The following WWC1 variants were observed in gnomAD, a reference collection of about 807,000 sequenced individuals.
WWC1 encodes WW and C2 domain containing 1, also known as protein KIBRA.
WWC1 carries 55 observed loss-of-function variants against 138.4 expected under a neutral mutation model. That is an observed-to-expected ratio of 0.40 (90% CI 0.32 to 0.50). The LOEUF is 0.50. Among genes scored for constraint, WWC1 ranks in the 20% least tolerant of loss-of-function variants. The probability of loss-of-function intolerance (pLI) is 0.72; values close to 1 mark genes in which losing one functional copy is unlikely to be tolerated. For missense variants in WWC1, 1,226 were observed against 1,420.4 expected (o/e 0.86, Z 2.20); for synonymous variants, 524 against 564.9 (o/e 0.93, Z 1.03).
At chr5:168,443,936 C>T (rs1755012916) in intron 16 of WWC1, among the ~76,000 whole-genome samples, 1 of 152,240 alleles carries the variant, frequency 6.6e-6, no homozygotes, top group Non-Finnish European at 1.5e-5. Flanking sequence ...ACAACCCTTT[C>T]TAGCAGTTAT....
At chr5:168,442,731 G>A (rs918773512) in intron 16 of WWC1, among the ~76,000 whole-genome samples, 4 of 151,530 alleles carry the variant, frequency 2.6e-5, no homozygotes, top group Non-Finnish European at 5.9e-5. Context: ...TAGCTACTAG[G>A]GAGGCTGAGG....
chr5:168,343,705 G>T (rs938819725), intron 1 of WWC1, among the ~76,000 whole-genome samples: 37 of 151,892 alleles, frequency 2.4e-4, no homozygotes, highest in African/African-American at 8.0e-4. Context: ...GCCTGTAATC[G>T]CAGCTACTTG....
chr5:168,353,910 A>G (rs969830766), intron 1 of WWC1, among the ~76,000 whole-genome samples: 6 of 152,188 alleles, frequency 3.9e-5, no homozygotes, highest in African/African-American at 1.2e-4. Context: ...CTCCATATAC[A>G]TGATCATGGA....
chr5:168,417,695 G>A (rs1582224401), intron 9 of WWC1, among the ~76,000 whole-genome samples: 2 of 152,358 alleles, frequency 1.3e-5, no homozygotes, highest in South Asian at 4.1e-4. Context: ...GTACAGGGAG[G>A]CCAGAACCTC....
At chr5:168,389,169 C>T (rs546844490) in intron 3 of WWC1, among the ~76,000 whole-genome samples, 1 of 152,134 alleles carries the variant, frequency 6.6e-6, no homozygotes, top group East Asian at 1.9e-4. Flanking sequence ...TAGTAGGAGG[C>T]CAGGTGTGGT....
At chr5:168,440,737 G>A (rs1298603723) in intron 15 of WWC1, among the ~76,000 whole-genome samples, 5 of 152,052 alleles carry the variant, frequency 3.3e-5, no homozygotes. Context: ...GGCTGGTCTC[G>A]ATCTCCCGAC....
chr5:168,332,127 C>CA (rs1316221023), intron 1 of WWC1, among the ~76,000 whole-genome samples: 4 of 148,996 alleles, frequency 2.7e-5, no homozygotes, highest in African/African-American at 9.9e-5. Flanking sequence ...GCCCAGGTGA[C>CA]AGAGTGAGAT....
intron 3 of WWC1, among the ~76,000 whole-genome samples, chr5:168,393,877 T>C (rs1440895697): frequency 1.3e-5 from 2 of 152,174 alleles, no homozygotes; most frequent in East Asian, 3.9e-4. Context: ...TGAGGTTGAA[T>C]TAGTGGTAAG....
intron 2 of WWC1, among the ~76,000 whole-genome samples, chr5:168,382,900 G>T (rs1364091764): frequency 6.6e-6 from 1 of 152,128 alleles, no homozygotes; most frequent in Non-Finnish European, 1.5e-5. Flanking sequence ...CCTAGGCTGG[G>T]CACAGTGCCT....
chr5:168,353,295 T>C (rs1003682408), intron 1 of WWC1, among the ~76,000 whole-genome samples: 3 of 152,256 alleles, frequency 2.0e-5, no homozygotes, highest in Non-Finnish European at 4.4e-5. Flanking sequence ...AGGTACCCTG[T>C]GACCTGGCCT....
intron 17 of WWC1, among the ~76,000 whole-genome samples, chr5:168,449,695 T>A (rs1216003201): frequency 1.3e-5 from 2 of 151,678 alleles, no homozygotes; most frequent in East Asian, 3.9e-4. Flanking sequence ...TGTCTCAGTC[T>A]GCCAAGTGGC....
intron 15 of WWC1, among the ~76,000 whole-genome samples, 181 bp downstream of exon 15, chr5:168,431,625 A>G (rs1456248497): frequency 6.6e-6 from 1 of 152,202 alleles, no homozygotes; most frequent in African/African-American, 2.4e-5. Context: ...AGGCTTCCAC[A>G]GGTGAATGTT....
At chr5:168,357,701 G>C (rs1279980033) in intron 1 of WWC1, among the ~76,000 whole-genome samples, 1 of 152,090 alleles carries the variant, frequency 6.6e-6, no homozygotes, top group Non-Finnish European at 1.5e-5. Context: ...TTGTTTCACT[G>C]CTGACTTTAT....
At chr5:168,340,492 T>C (rs941150399) in intron 1 of WWC1, among the ~76,000 whole-genome samples, 1 of 149,226 alleles carries the variant, frequency 6.7e-6, no homozygotes, top group African/African-American at 2.5e-5. Context: ...CCCCCAATCT[T>C]CACTTCCCCC....
At chr5:168,361,487 C>T (rs1329088467) in intron 1 of WWC1, among the ~76,000 whole-genome samples, 4 of 152,260 alleles carry the variant, frequency 2.6e-5, no homozygotes, top group Admixed American at 6.5e-5. Context: ...CAGTCTCATT[C>T]GGTATAATAG....
intron 1 of WWC1, among the ~76,000 whole-genome samples, chr5:168,337,221 C>T (rs988761367): frequency 2.0e-4 from 31 of 152,282 alleles, no homozygotes; most frequent in East Asian, 9.6e-4. Flanking sequence ...CACTGGTACA[C>T]GTAGTGGGGA....
At chr5:168,341,838 C>T (rs185875926) in intron 1 of WWC1, among the ~76,000 whole-genome samples, 14 of 152,230 alleles carry the variant, frequency 9.2e-5, no homozygotes, top group African/African-American at 2.4e-4. Context: ...CCACAGATAA[C>T]GGAAGAAAGT....
intron 1 of WWC1, among the ~76,000 whole-genome samples, chr5:168,356,190 C>G (rs1430617070): frequency 6.6e-6 from 1 of 152,252 alleles, no homozygotes; most frequent in East Asian, 1.9e-4. Context: ...TTTCTGCCGA[C>G]TAGATTCATT....
chr5:168,376,531 C>T (rs1248280154), intron 2 of WWC1, among the ~76,000 whole-genome samples: 1 of 152,130 alleles, frequency 6.6e-6, no homozygotes. Context: ...CTAGACAACC[C>T]TAAAGATTCT....
Sources: allele counts gnomAD v4.1 joint callset (sites outside exome capture counted in the v4.1 genomes callset), GRCh38; gene constraint gnomAD v4.1.1; transcripts MANE v1.5; gene names NCBI Gene and HGNC (gene_info 2026-07-23, HGNC 2026-07-21).